TNRC18: variants seen among roughly 807,000 people sequenced by gnomAD.
TNRC18 encodes trinucleotide repeat-containing gene 18 protein.
A neutral mutation model predicts 226.7 loss-of-function variants in TNRC18; 69 were observed. The ratio of observed to expected loss-of-function variants is 0.30; its 90% CI spans 0.25 to 0.37. The LOEUF (loss-of-function observed/expected upper bound fraction) is 0.37, where lower values mean the gene tolerates loss of function less well. TNRC18 is among the 10% of genes least tolerant of loss of function. The probability of loss-of-function intolerance (pLI) is 1.00; values close to 1 mark genes in which losing one functional copy is unlikely to be tolerated. For synonymous variants in TNRC18, 2,449 were observed against 1,927.6 expected, an observed-to-expected ratio of 1.27 and a Z score of -7.09; for missense variants, 4,754 against 4,256.6, an observed-to-expected ratio of 1.12 and a Z score of -3.25.
rs1786628372 is a variant in TNRC18 at position 5,307,251 on chromosome 7, G to A, written c.*855C>T. 1 of 148,610 alleles carries A rather than the reference G, an allele frequency of 6.7e-6. No individual in the cohort carries two copies. Among genetic ancestry groups the A allele is most frequent in the African/African-American group, 2.5e-5 (1 of 40,680 alleles). The allele number at this position is 148,610 out of a possible 1,614,324, so 9.2% of individuals were successfully genotyped here. On this transcript the variant is annotated 3_prime_UTR_variant, in exon 30 of 30. Coordinates refer to ENST00000430969, the MANE Select transcript of TNRC18 (RefSeq NM_001080495.3). ...TAGCTATTTTTCACAGTTTTAAAAAGTTTATATATATATTTATATATATTT... is the reference window on the plus strand; with the variant it reads ...TAGCTATTTTTCACAGTTTTAAAAAATTTATATATATATTTATATATATTT...
intron 12 of TNRC18, 42 bp downstream of exon 12, chr7:5,362,608 C>G: frequency 6.7e-7 from 1 of 1,486,736 alleles, no homozygotes; most frequent in Middle Eastern, 2.5e-4. Context: ...TCCCACCCAG[C>G]CTCCCCCGCG....
chr7:5,401,746 A>AT (rs1469294128), intron 2 of TNRC18, among the ~76,000 whole-genome samples: 3 of 152,298 alleles, frequency 2.0e-5, no homozygotes, highest in African/African-American at 4.8e-5. Flanking sequence ...GCTACGAGTT[A>AT]TTTTTTATTC....
chr7:5,367,908 C>A (rs1166731232), intron 11 of TNRC18, among the ~76,000 whole-genome samples: 1 of 152,138 alleles, frequency 6.6e-6, no homozygotes, highest in East Asian at 1.9e-4. Flanking sequence ...GGCCATCTGA[C>A]CATGACAGTC....
intron 2 of TNRC18, among the ~76,000 whole-genome samples, chr7:5,413,650 C>G (rs1781981417): frequency 6.6e-6 from 1 of 152,234 alleles, no homozygotes; most frequent in African/African-American, 2.4e-5. Context: ...CCATCTCAGA[C>G]TCCCAAGTAG....
intron 16 of TNRC18, among the ~76,000 whole-genome samples, chr7:5,356,470 G>C (rs1022824246): frequency 1.3e-5 from 2 of 152,234 alleles, no homozygotes; most frequent in Non-Finnish European, 2.9e-5. Context: ...GTCCGCAACA[G>C]ACGGCATGCT....
chr7:5,417,847 TGA>T (rs1782287364), intron 2 of TNRC18, among the ~76,000 whole-genome samples: 1 of 152,216 alleles, frequency 6.6e-6, no homozygotes, highest in Admixed American at 6.5e-5. Context: ...CGGTCTTCAC[TGA>T]TTAATCTTTC....
rs574855116 is a variant in TNRC18, at chr7:5,377,827, G to A, written c.2255+95C>T. ...TCTCAGTACCATAGCATCCATGGTC[G>A]AGGGGCCAAGCCCACCTGGGGTCAT... On this transcript the variant is annotated intron_variant, in intron 6 of 29. Coordinates refer to ENST00000430969, the MANE Select transcript of TNRC18 (RefSeq NM_001080495.3). The surrounding 1 kb of genome is among the most constrained non-coding windows in gnomAD (Gnocchi z 5.8). The A allele has an allele frequency of 7.7e-5, 98 of 1,275,740 alleles. No homozygotes were observed. In the African/African-American group the frequency reaches 7.9e-4, roughly 10 times the overall value. 79.0% of individuals were successfully genotyped at this position (1,275,740 alleles called of 1,614,324 possible).
intron 2 of TNRC18, among the ~76,000 whole-genome samples, chr7:5,401,336 C>T (rs573403752): frequency 5.9e-5 from 9 of 152,234 alleles, no homozygotes; most frequent in South Asian, 2.1e-4. Flanking sequence ...AGAGTAGCTC[C>T]GGCCCACCTC....
In TNRC18 at chr7:5,391,470, C is replaced by A. The variant is rs543279152; in HGVS notation, c.344-842G>T. Among the ~76,000 whole-genome samples, 37 of 152,010 alleles carry A rather than the reference C, an allele frequency of 2.4e-4. 1 individual carries two copies. Among genetic ancestry groups the A allele is most frequent in the African/African-American group, 8.9e-4 (37 of 41,504 alleles). Reference sequence around the variant, plus strand: ...GGGATTACAGGCGCCTGCTACCACACCCGGCTAATTTTGTATTTTTAGTAG... The same window carrying A: ...GGGATTACAGGCGCCTGCTACCACAACCGGCTAATTTTGTATTTTTAGTAG... On this transcript the variant is annotated intron_variant, in intron 3 of 29. Transcript: ENST00000430969.
rs748507724 is a variant in TNRC18 at position 5,324,402 on chromosome 7, G to A, written c.6301-47C>T. ...CAAATGACTTAGGACCTGAACAGGG[G>A]TCCTGCCGGGTTGGGGACCCTCTCT... On this transcript the variant is annotated intron_variant, in intron 20 of 29. Coordinates refer to ENST00000430969, the MANE Select transcript of TNRC18 (RefSeq NM_001080495.3). This position sits in a 1 kb window ranked among gnomAD's most constrained non-coding sequence, Gnocchi z 4.8. The A allele has an allele frequency of 1.2e-6, 2 of 1,600,418 alleles. No homozygotes were observed. Among genetic ancestry groups the A allele is most frequent in the African/African-American group, 1.3e-5 (1 of 74,880 alleles).
At chr7:5,335,375 C>A (rs912470135) in intron 18 of TNRC18, among the ~76,000 whole-genome samples, 2 of 148,168 alleles carry the variant, frequency 1.3e-5, no homozygotes, top group African/African-American at 5.0e-5. Flanking sequence ...TTTGGGAGGC[C>A]AATTTGGGCA....
rs1395233810 is a variant in TNRC18 at position 5,306,982 on chromosome 7, G to A, written c.*1124C>T. On this transcript the variant is annotated 3_prime_UTR_variant, in exon 30 of 30. Transcript: ENST00000430969. ...CCTTGGTTTCCCTTGAAGGCTTGGGGCCTGGTTAAGTGCTTTCTGGGGCCC... is the reference window on the plus strand; with the variant it reads ...CCTTGGTTTCCCTTGAAGGCTTGGGACCTGGTTAAGTGCTTTCTGGGGCCC... 6.6e-6 allele frequency: 1 copy of A among 151,362 alleles called. No homozygotes were observed. The highest frequency in any genetic ancestry group is 6.6e-5 in the Admixed American group (1 of 15,192). 9.4% of individuals were successfully genotyped at this position (151,362 alleles called of 1,614,324 possible).
chr7:5,369,124 G>T (rs1327007581), intron 11 of TNRC18, among the ~76,000 whole-genome samples: 2 of 152,100 alleles, frequency 1.3e-5, no homozygotes, highest in Non-Finnish European at 2.9e-5. Context: ...AAGGCAGGCG[G>T]GTCACTTGAG....
chr7:5,353,461 AG>A (rs1170396649), intron 16 of TNRC18, among the ~76,000 whole-genome samples: 2 of 148,308 alleles, frequency 1.3e-5, no homozygotes, highest in Non-Finnish European at 3.0e-5. Flanking sequence ...CCGGAGGCTG[AG>A]GTGGGAGGAT....
In TNRC18 at chr7:5,358,637, A is replaced by C. The variant is rs141515724; in HGVS notation, c.4833+761T>G. 6.2e-3 allele frequency among the ~76,000 whole-genome samples: 945 copies of C among 152,270 alleles called. 12 individuals carry two copies. Among genetic ancestry groups the C allele is most frequent in the African/African-American group, 0.021 (871 of 41,560 alleles). ...GAGGCCAGCCTGGCCAAGATGGTGAAACCCCATCTCTACTAAAAATACAAA... is the reference window on the plus strand; with the variant it reads ...GAGGCCAGCCTGGCCAAGATGGTGACACCCCATCTCTACTAAAAATACAAA... On this transcript the variant is annotated intron_variant, in intron 15 of 29. Coordinates refer to ENST00000430969, the MANE Select transcript of TNRC18 (RefSeq NM_001080495.3).
In TNRC18 at chr7:5,420,280, G is replaced by T. The variant is rs1163876361; in HGVS notation, c.187+780C>A. ...TCCAGCAGCTCGATGTGAGACCCAGGGTTTTCCCCTCCGCCGCCTGGGCCC... is the reference window on the plus strand; with the variant it reads ...TCCAGCAGCTCGATGTGAGACCCAGTGTTTTCCCCTCCGCCGCCTGGGCCC... On this transcript the variant is annotated intron_variant, in intron 2 of 29. Coordinates refer to ENST00000430969, the MANE Select transcript of TNRC18 (RefSeq NM_001080495.3). 4 of 420,802 alleles carry T rather than the reference G, an allele frequency of 9.5e-6. No individual in the cohort carries two copies. In the East Asian group the frequency reaches 2.9e-4, roughly 30 times the overall value. 26.1% of individuals were successfully genotyped at this position (420,802 alleles called of 1,614,324 possible). A position where few individuals can be genotyped will look rare whatever the true frequency, so the allele number is the denominator to read the frequency against.
intron 3 of TNRC18, 57 bp from the exon 4 acceptor site, chr7:5,390,685 TTCCTTCCAGC>T (rs1780228367): frequency 6.9e-7 from 1 of 1,446,936 alleles, no homozygotes; most frequent in Non-Finnish European, 9.1e-7. Context: ...CACCAGGAGC[TTCCTTCCAGC>T]TCCTGGAAAT....
rs1780489347 is a variant in TNRC18 at position 5,394,100 on chromosome 7, G to A, written c.343+340C>T. On this transcript the variant is annotated intron_variant, in intron 3 of 29. Coordinates refer to ENST00000430969, the MANE Select transcript of TNRC18 (RefSeq NM_001080495.3). The surrounding 1 kb of genome is among the most constrained non-coding windows in gnomAD (Gnocchi z 4.5). The stretch of plus-strand genomic sequence containing the variant: ...CCTGAACTCAGGGCTCACTCCGGTG[G>A]GAAAGCGGGTAGTTCATGAATGATG... 6.6e-6 allele frequency among the ~76,000 whole-genome samples: 1 copy of A among 152,116 alleles called. No individual in the cohort carries two copies. Among genetic ancestry groups the A allele is most frequent in the Non-Finnish European group, 1.5e-5 (1 of 68,034 alleles).
At chr7:5,381,677 A>T (rs1258900749) in intron 5 of TNRC18, among the ~76,000 whole-genome samples, 1 of 152,236 alleles carries the variant, frequency 6.6e-6, no homozygotes, top group East Asian at 1.9e-4. Flanking sequence ...AAAGAAAAGT[A>T]AACTCAGGTC....
Sources: gnomAD v4.1 joint callset for allele counts (sites outside exome capture counted in the v4.1 genomes callset) on GRCh38, gnomAD v4.1.1 for gene constraint, Gnocchi (gnomAD v3.1) non-coding constraint, MANE v1.5 for transcripts, NCBI Gene and HGNC (gene_info 2026-07-23, HGNC 2026-07-21) for gene names.